Variants in DCBLD2 observed in about 807,000 individuals in gnomAD.
DCBLD2 encodes the protein discoidin, CUB and LCCL domain-containing protein 2.
A neutral mutation model predicts 86.8 loss-of-function variants in DCBLD2; 54 were observed. The observed-to-expected ratio is 0.62, with a 90% CI of 0.50 to 0.78. The LOEUF (loss-of-function observed/expected upper bound fraction) is 0.78, where lower values mean the gene tolerates loss of function less well. Ranked by LOEUF, DCBLD2 falls within the 30% of genes least tolerant of loss-of-function variation. The probability of loss-of-function intolerance (pLI) is 0.00; values close to 1 mark genes in which losing one functional copy is unlikely to be tolerated. For synonymous variants in DCBLD2, 354 were observed against 341.3 expected (o/e 1.04, Z -0.41); for missense variants, 908 against 954.2 (o/e 0.95, Z 0.64).
At chr3:98,817,661 T>C in intron 9 of DCBLD2, 108 bp downstream of exon 9, 1 of 1,072,356 alleles carries the variant, frequency 9.3e-7, no homozygotes, top group South Asian at 1.5e-5. Flanking sequence ...AAGAGGGTAG[T>C]ATAAGACATT....
In DCBLD2 at chr3:98,855,460, G is replaced by A. The variant is rs570167493; in HGVS notation, c.434-5862C>T. Among the ~76,000 whole-genome samples, 9 of 152,254 alleles carry A rather than the reference G, an allele frequency of 5.9e-5. No individual in the cohort carries two copies. In the South Asian group the frequency reaches 1.0e-3, roughly 18 times the overall value. ...AGTGACCCAGCAATTCCTCTTCTAC[G>A]TATAGAAATGTGTACTTACGTACAT... On this transcript the variant is annotated intron_variant, in intron 2 of 15. Coordinates refer to ENST00000326840, the MANE Select transcript of DCBLD2 (RefSeq NM_080927.4).
chr3:98,824,801 A>G (rs1019658748), intron 4 of DCBLD2, among the ~76,000 whole-genome samples: 4 of 152,160 alleles, frequency 2.6e-5, no homozygotes, highest in African/African-American at 9.7e-5. Context: ...ATTTTTATGC[A>G]GGGAAATGAT....
In DCBLD2 at chr3:98,864,525, T is replaced by TA. The variant is rs1472214995; in HGVS notation, c.434-14928dup. Among the ~76,000 whole-genome samples the TA allele has an allele frequency of 2.6e-5, 4 of 152,184 alleles. No individual in the cohort carries two copies. The South Asian group carries it at 8.3e-4, about 32-fold the overall frequency. On this transcript the variant is annotated intron_variant, in intron 2 of 15. Coordinates refer to ENST00000326840, the MANE Select transcript of DCBLD2 (RefSeq NM_080927.4). ...TACACCATGGAATACTATGCAACCATAAAAAAAGATGAGTTCATGTCCTTT... is the reference window on the plus strand; with the variant it reads ...TACACCATGGAATACTATGCAACCATAAAAAAAAGATGAGTTCATGTCCTTT...
At chr3:98,867,050 T>C (rs1943160692) in intron 2 of DCBLD2, among the ~76,000 whole-genome samples, 1 of 152,240 alleles carries the variant, frequency 6.6e-6, no homozygotes, top group East Asian at 1.9e-4. Context: ...GGCTCTGTTC[T>C]GTTCCATTGG....
chr3:98,807,602 T>C lies in DCBLD2; in HGVS notation c.1670+479A>G, dbSNP rs551210328. 1.3e-4 allele frequency among the ~76,000 whole-genome samples: 20 copies of C among 152,268 alleles called. No individual in the cohort carries two copies. In the South Asian group the frequency reaches 3.9e-3, roughly 30 times the overall value. ...CAGGTTATGGTATTTTCTTACAGCA[T>C]CCCAAACAAAGACATCTACCTTCCT... On this transcript the variant is annotated intron_variant, in intron 13 of 15. Transcript: ENST00000326840.
chr3:98,843,549 C>T (rs1942658688), intron 3 of DCBLD2, among the ~76,000 whole-genome samples: 1 of 152,150 alleles, frequency 6.6e-6, no homozygotes, highest in Admixed American at 6.5e-5. Context: ...AAGGAATTAT[C>T]TAGTCAGCCC....
At chr3:98,868,820 A>G (rs757659807) in intron 2 of DCBLD2, among the ~76,000 whole-genome samples, 11 of 152,154 alleles carry the variant, frequency 7.2e-5, no homozygotes, top group Non-Finnish European at 1.3e-4. Context: ...CACTGTGTCT[A>G]TATGTTTACA....
Position 98,817,822 on chromosome 3 carries a change from C to T in DCBLD2, c.1159G>A (p.Asp387Asn), listed in dbSNP as rs780184023. The part of the protein sequence containing the change: ...YVSAYRILYS[D>N]DGQKWTVYRE... ...TACACAGTCCATTTCTGCCCATCAT[C>T]ACTGTACAGGATTCTGTAGGCAGAC... is the stretch of plus-strand genomic sequence containing the variant. The change falls in exon 9 of 16, where the codon GAT becomes AAT. Residue 387 changes from aspartate (D) to asparagine (N), a missense_variant. Physicochemically the swap from Asp to Asn is conservative, Grantham distance 23. Around this residue, in one of 3 missense-constraint regions of DCBLD2, gnomAD observed 606 missense variants for 678.5 expected, o/e 0.89. Coordinates refer to ENST00000326840, the MANE Select transcript of DCBLD2 (RefSeq NM_080927.4). 4.3e-6 allele frequency: 7 copies of T among 1,613,780 alleles called. No homozygotes were observed. The highest frequency in any genetic ancestry group is 5.9e-6 in the Non-Finnish European group (7 of 1,179,728).
At chr3:98,803,723 A>G (rs1004902820) in intron 13 of DCBLD2, among the ~76,000 whole-genome samples, 9 of 152,182 alleles carry the variant, frequency 5.9e-5, no homozygotes, top group African/African-American at 2.2e-4. Flanking sequence ...CGTCCCATCA[A>G]TACCTAATTT....
At chr3:98,837,794 G>A (rs1352269482) in intron 3 of DCBLD2, among the ~76,000 whole-genome samples, 21 of 128,970 alleles carry the variant, frequency 1.6e-4, no homozygotes, top group African/African-American at 6.5e-4. Context: ...TCACCTCCCA[G>A]ACGGGGCGGC....
chr3:98,887,603 T>C (rs540565299), intron 1 of DCBLD2, among the ~76,000 whole-genome samples: 1 of 152,160 alleles, frequency 6.6e-6, no homozygotes, highest in African/African-American at 2.4e-5. Context: ...ACAAGGTATA[T>C]CTTTCTCCAT....
intron 7 of DCBLD2, among the ~76,000 whole-genome samples, chr3:98,819,732 G>C (rs565221453): frequency 6.6e-6 from 1 of 152,252 alleles, no homozygotes; most frequent in East Asian, 1.9e-4. Flanking sequence ...TTTGGCCTAT[G>C]TTGCATTCTC....
intron 3 of DCBLD2, among the ~76,000 whole-genome samples, chr3:98,839,144 C>CT (rs1553727005): frequency 1.4e-4 from 16 of 111,042 alleles, no homozygotes; most frequent in South Asian, 5.6e-4. Flanking sequence ...TCCTTCCTTC[C>CT]TTCTTTCTTT....
At chr3:98,873,476 T>C (rs1346660974) in intron 2 of DCBLD2, among the ~76,000 whole-genome samples, 2 of 152,062 alleles carry the variant, frequency 1.3e-5, no homozygotes, top group Admixed American at 1.3e-4. Context: ...TATACATTAT[T>C]AGCAATAACA....
intron 3 of DCBLD2, among the ~76,000 whole-genome samples, chr3:98,836,477 T>A (rs916040652): frequency 6.6e-6 from 1 of 151,706 alleles, no homozygotes; most frequent in Non-Finnish European, 1.5e-5. Flanking sequence ...AAATGAAAAG[T>A]CTCTCATGTC....
intron 3 of DCBLD2, among the ~76,000 whole-genome samples, chr3:98,836,943 G>A (rs1450303208): frequency 8.3e-5 from 7 of 84,076 alleles, no homozygotes; most frequent in Admixed American, 5.3e-4. Flanking sequence ...CCTCCCTCCC[G>A]GACGGGGCGG....
chr3:98,829,516 T>A (rs534390322), intron 3 of DCBLD2, among the ~76,000 whole-genome samples: 1 of 152,214 alleles, frequency 6.6e-6, no homozygotes, highest in Non-Finnish European at 1.5e-5. Context: ...CACTTAAAAG[T>A]AAGAACATGT....
At chr3:98,887,836 T>C (rs1313268288) in intron 1 of DCBLD2, among the ~76,000 whole-genome samples, 3 of 151,984 alleles carry the variant, frequency 2.0e-5, no homozygotes, top group African/African-American at 7.2e-5. Context: ...CACTGACACA[T>C]TGTTATCACC....
At chr3:98,879,461 A>T (rs1247583525) in intron 2 of DCBLD2, among the ~76,000 whole-genome samples, 1 of 151,902 alleles carries the variant, frequency 6.6e-6, no homozygotes, top group African/African-American at 2.4e-5. Context: ...ATCTCGGCTC[A>T]CTGCAAGCTC....
Sources: allele counts gnomAD v4.1 joint callset (sites outside exome capture counted in the v4.1 genomes callset), GRCh38; gene constraint gnomAD v4.1.1; regional missense constraint gnomAD v4.1.1; transcripts MANE v1.5; gene names NCBI Gene and HGNC (gene_info 2026-07-23, HGNC 2026-07-21).